SCN8A: variants seen among roughly 807,000 people sequenced by gnomAD.
SCN8A encodes sodium voltage-gated channel alpha subunit 8.
A neutral mutation model predicts 184.1 loss-of-function variants in SCN8A; 30 were observed. The observed-to-expected ratio is 0.16, with a 90% CI of 0.12 to 0.22. The LOEUF (loss-of-function observed/expected upper bound fraction) is 0.22, where lower values mean the gene tolerates loss of function less well. SCN8A is among the 10% of genes least tolerant of loss of function. The pLI is 1.00. For missense variants in SCN8A, 1,057 were observed against 2,498.9 expected, an observed-to-expected ratio of 0.42 and a Z score of 12.30; for synonymous variants, 852 against 907.0, an observed-to-expected ratio of 0.94 and a Z score of 1.09.
intron 14 of SCN8A, among the ~76,000 whole-genome samples, chr12:51,753,574 C>T (rs376075060): frequency 6.6e-6 from 1 of 152,292 alleles, no homozygotes; most frequent in East Asian, 1.9e-4. Context: ...TGCCAATCAA[C>T]ACGAGCGCTG....
intron 1 of SCN8A, among the ~76,000 whole-genome samples, chr12:51,630,885 T>C (rs768333792): frequency 2.2e-4 from 34 of 152,200 alleles, no homozygotes; most frequent in Non-Finnish European, 4.0e-4. Context: ...TCTTTGGAAA[T>C]TTGAGTTTGT....
rs1313776714 is a variant in SCN8A at position 51,663,025 on chromosome 12, G to A, written c.208G>A (p.Gly70Arg). 2 of 1,614,042 alleles carry A rather than the reference G, an allele frequency of 1.2e-6. No homozygotes were observed. Among genetic ancestry groups the A allele is most frequent in the South Asian group, 1.1e-5 (1 of 91,086 alleles). ...EAGKSLPFIY[G>R]DIPQGLVAVP... is the part of the protein sequence containing the mutation. Reference sequence around the variant, plus strand: ...AGGGAAGAGTTTGCCTTTCATCTACGGGGACATCCCCCAAGGCCTGGTTGC... The same window carrying A: ...AGGGAAGAGTTTGCCTTTCATCTACAGGGACATCCCCCAAGGCCTGGTTGC... Residue 70 changes from glycine to arginine, a missense_variant, in exon 2 of 27, where the codon GGG (glycine) becomes AGG (arginine). By Grantham distance (125) the Gly-to-Arg change is moderately radical. This residue lies in a region of SCN8A where 66 missense variants were observed against 276.4 expected (regional missense o/e 0.24). Transcript: ENST00000627620.
chr12:51,730,358 T>A (rs1261012250), intron 12 of SCN8A, among the ~76,000 whole-genome samples: 1 of 152,244 alleles, frequency 6.6e-6, no homozygotes, highest in Non-Finnish European at 1.5e-5. Flanking sequence ...GGTCTATTTC[T>A]GGACTCTGTT....
intron 1 of SCN8A, among the ~76,000 whole-genome samples, chr12:51,610,490 G>C (rs201362282): frequency 5.9e-5 from 9 of 152,118 alleles, no homozygotes; most frequent in African/African-American, 2.2e-4. Context: ...TATAGGTCCT[G>C]TGTGATTTAT....
At chr12:51,748,116 A>G (rs1942542111) in intron 13 of SCN8A, among the ~76,000 whole-genome samples, 1 of 152,194 alleles carries the variant, frequency 6.6e-6, no homozygotes, top group Non-Finnish European at 1.5e-5. Flanking sequence ...GGAATCACGT[A>G]AGAGGGAATG....
intron 24 of SCN8A, 56 bp downstream of exon 24, chr12:51,789,474 C>T: frequency 1.9e-6 from 3 of 1,551,962 alleles, no homozygotes; most frequent in South Asian, 1.2e-5. Context: ...TAAGAGGCAC[C>T]TTTGTCCCTA....
Position 51,810,123 on chromosome 12 carries a change from T to C in SCN8A, c.*2694T>C, listed in dbSNP as rs976656370. On this transcript the variant is annotated 3_prime_UTR_variant, in exon 27 of 27. Transcript: ENST00000627620. The stretch of plus-strand genomic sequence containing the variant: ...GAGATTTTTCTGAGATCTAACCGTT[T>C]CCCTCCGCTAGCTCCTGACCCCAGC... The C allele has an allele frequency of 4.9e-5, 9 of 184,430 alleles. No homozygotes were observed. Among genetic ancestry groups the C allele is most frequent in the Non-Finnish European group, 1.0e-4 (9 of 86,142 alleles). 11.4% of individuals were successfully genotyped at this position (184,430 alleles called of 1,614,324 possible). A position where few individuals can be genotyped will look rare whatever the true frequency, so the allele number is the denominator to read the frequency against.
At position 51,699,742 on chromosome 12, in the gene SCN8A, T is replaced by C. The variant is rs1165076497; in HGVS notation, c.879T>C (p.Leu293=). 3 of 1,613,944 alleles carry C rather than the reference T, an allele frequency of 1.9e-6. No homozygotes were observed. The highest frequency in any genetic ancestry group is 1.6e-4 in the Middle Eastern group (1 of 6,062). ...VWPINFNESY[L]ENGTKGFDWE... Reference sequence around the variant, plus strand: ...CCATAAACTTCAACGAGAGCTATCTTGAAAATGGCACCAAAGGCTTTGATT... The same window carrying C: ...CCATAAACTTCAACGAGAGCTATCTCGAAAATGGCACCAAAGGCTTTGATT... The change falls in exon 7 of 27, where the codon CTT becomes CTC. Residue 293 remains leucine, a synonymous_variant. Coordinates refer to ENST00000627620, the MANE Select transcript of SCN8A (RefSeq NM_001330260.2).
chr12:51,678,904 C>T (rs998743420), intron 2 of SCN8A, among the ~76,000 whole-genome samples: 3 of 151,728 alleles, frequency 2.0e-5, no homozygotes, highest in South Asian at 2.1e-4. Context: ...GGTGAAACCC[C>T]GTCTCTACTA....
Position 51,702,976 on chromosome 12 carries a change from C to T in SCN8A, c.1134+62C>T. ...GCATGAGCTTATATGGGGTTGGGGA[C>T]CTTCTGTGTGAGAGACATTTAGTGA... On this transcript the variant is annotated intron_variant, in intron 9 of 26. Transcript: ENST00000627620. The T allele has an allele frequency of 2.1e-6, 3 of 1,452,188 alleles. No individual in the cohort carries two copies. The Middle Eastern group carries it at 5.5e-4, about 264-fold the overall frequency. 90.0% of individuals were successfully genotyped at this position (1,452,188 alleles called of 1,614,324 possible).
At chr12:51,644,584 A>G (rs1337417622) in intron 1 of SCN8A, among the ~76,000 whole-genome samples, 2 of 152,152 alleles carry the variant, frequency 1.3e-5, no homozygotes, top group Non-Finnish European at 2.9e-5. Context: ...TCGGCTCGCT[A>G]CAACCTCCAC....
intron 12 of SCN8A, among the ~76,000 whole-genome samples, chr12:51,738,320 G>C (rs1054524799): frequency 6.6e-6 from 1 of 152,106 alleles, no homozygotes; most frequent in Non-Finnish European, 1.5e-5. Context: ...ATAGTCCCAG[G>C]TCATCCATCG....
chr12:51,623,517 T>C (rs1940008433), intron 1 of SCN8A, among the ~76,000 whole-genome samples: 1 of 152,242 alleles, frequency 6.6e-6, no homozygotes, highest in South Asian at 2.1e-4. Flanking sequence ...TTTGTTAACT[T>C]ATACTCCTAT....
At chr12:51,644,799 T>C (rs1481672647) in intron 1 of SCN8A, among the ~76,000 whole-genome samples, 1 of 150,730 alleles carries the variant, frequency 6.6e-6, no homozygotes, top group Non-Finnish European at 1.5e-5. Flanking sequence ...GGAGCACCTC[T>C]TCCCGGCCGC....
At chr12:51,766,379 A>G (rs1942838558) in intron 16 of SCN8A, 1 of 325,670 alleles carries the variant, frequency 3.1e-6, no homozygotes, top group African/African-American at 2.2e-5. Context: ...TCTTAACGAC[A>G]ATTTCTCATC....
intron 11 of SCN8A, among the ~76,000 whole-genome samples, chr12:51,711,726 T>A (rs1592397504): frequency 6.6e-6 from 1 of 151,680 alleles, no homozygotes; most frequent in East Asian, 1.9e-4. Flanking sequence ...TTTTTTTTTT[T>A]TAGAAATTTT....
chr12:51,677,706 A>G (rs551768282), intron 2 of SCN8A, among the ~76,000 whole-genome samples: 21 of 152,338 alleles, frequency 1.4e-4, no homozygotes, highest in African/African-American at 5.1e-4. Context: ...TGTGCTTTTC[A>G]GAAGGCTCAT....
At chr12:51,768,728 A>T in intron 16 of SCN8A, 137 bp from the exon 17 acceptor site, 2 of 644,146 alleles carry the variant, frequency 3.1e-6, no homozygotes, top group Non-Finnish European at 5.1e-6. Flanking sequence ...GCATTAAAAT[A>T]CTACGTGGGC....
chr12:51,786,293 A>C (rs1938082257), intron 21 of SCN8A, among the ~76,000 whole-genome samples: 1 of 152,340 alleles, frequency 6.6e-6, no homozygotes, highest in Admixed American at 6.5e-5. Flanking sequence ...AAGAAGACCT[A>C]GGTCAGCTTG....
Sources: allele counts gnomAD v4.1 joint callset (sites outside exome capture counted in the v4.1 genomes callset), GRCh38; gene constraint gnomAD v4.1.1; regional missense constraint gnomAD v4.1.1; transcripts MANE v1.5; gene names NCBI Gene and HGNC (gene_info 2026-07-23, HGNC 2026-07-21).